The following URGCP variants were observed in gnomAD, a reference collection of about 807,000 sequenced individuals.
URGCP encodes the protein upregulator of cell proliferation.
A neutral mutation model predicts 24.6 loss-of-function variants in URGCP; 13 were observed. That is an observed-to-expected ratio of 0.53 (90% confidence interval 0.34 to 0.84). URGCP has a LOEUF of 0.84. Among genes scored for constraint, URGCP ranks in the 40% least tolerant of loss-of-function variants. The pLI is 0.01. For missense variants in URGCP, 899 were observed against 1,194.3 expected, an observed-to-expected ratio of 0.75 and a Z score of 3.64; for synonymous variants, 444 against 487.2, an observed-to-expected ratio of 0.91 and a Z score of 1.17.
chr7:43,877,994 CTGTAG>C lies in URGCP; in HGVS notation c.1464_1468del (p.Tyr489LysfsTer32). ...CCCCTGCAGCCTCAGCTCGTCCCTTCTGTAGGCATCCGAGTCTTTGATTTTCCTGG... is the reference window on the plus strand; with the variant it reads ...CCCCTGCAGCCTCAGCTCGTCCCTTCGCATCCGAGTCTTTGATTTTCCTGG... On this transcript the variant is annotated frameshift_variant, in exon 6 of 6. Transcript: ENST00000453200. LOFTEE classifies it low-confidence loss of function (END_TRUNC). 1 of 1,614,248 alleles carries C rather than the reference CTGTAG, an allele frequency of 6.2e-7. No individual in the cohort carries two copies. Among genetic ancestry groups the C allele is most frequent in the Non-Finnish European group, 8.5e-7 (1 of 1,180,044 alleles).
chr7:43,881,335 C>T, intron 5 of URGCP: 1 of 667,770 alleles, frequency 1.5e-6, no homozygotes, highest in South Asian at 1.6e-5. Context: ...ACATTAGAAT[C>T]AATCACTTCA....
chr7:43,893,085 T>C (rs1473000112), intron 1 of URGCP, among the ~76,000 whole-genome samples: 1 of 152,162 alleles, frequency 6.6e-6, no homozygotes, highest in Non-Finnish European at 1.5e-5. Flanking sequence ...CCCAGCACTT[T>C]GGGAGGCCAA....
intron 1 of URGCP, among the ~76,000 whole-genome samples, chr7:43,895,986 G>A (rs1562581633): frequency 6.6e-6 from 1 of 152,160 alleles, no homozygotes; most frequent in Admixed American, 6.5e-5. Context: ...TACATGTATA[G>A]GAATACTATT....
At chr7:43,926,493 G>A (rs1268357236), upstream of URGCP, 10 of 1,483,818 alleles carry the variant, frequency 6.7e-6, no homozygotes, top group Non-Finnish European at 9.0e-6. Context: ...GCCTCAGGCA[G>A]CCCCGGCCGG....
At chr7:43,919,783 G>T (rs1348582793) in intron 1 of URGCP, 1 of 1,338,878 alleles carries the variant, frequency 7.5e-7, no homozygotes, top group East Asian at 2.3e-5. Flanking sequence ...GCCCTGTCGA[G>T]GAAGTCTCCT....
chr7:43,883,345 T>TATAA (rs1408161271), intron 3 of URGCP, among the ~76,000 whole-genome samples: 1 of 97,804 alleles, frequency 1.0e-5, no homozygotes, highest in East Asian at 2.2e-4. Context: ...TACATATATA[T>TATAA]ATATATATAT....
chr7:43,880,681 TGC>T (rs1379487413), intron 5 of URGCP, among the ~76,000 whole-genome samples: 2 of 152,244 alleles, frequency 1.3e-5, no homozygotes, highest in Non-Finnish European at 2.9e-5. Flanking sequence ...TCAAATGATC[TGC>T]CTGCCTCAGC....
intron 3 of URGCP, among the ~76,000 whole-genome samples, chr7:43,883,331 T>C (rs1030128497): frequency 7.7e-6 from 1 of 130,228 alleles, no homozygotes; most frequent in Non-Finnish European, 1.6e-5. Flanking sequence ...AATATATATA[T>C]ATATACATAT....
chr7:43,883,362 A>T (rs7810063), intron 3 of URGCP, among the ~76,000 whole-genome samples: 22,489 of 88,492 alleles, frequency 0.25, 3,643 homozygotes, highest in African/African-American at 0.38. Flanking sequence ...ATATATATAT[A>T]TTTTTTTTTT....
chr7:43,878,838 A>C lies in URGCP; in HGVS notation c.625T>G (p.Cys209Gly), dbSNP rs769351989. ...QQEIALKMAL[C>G]QFALPLVLPD... is the part of the protein sequence containing the mutation. ...AACACGAGTGGGAGTGCAAACTGGC[A>C]GAGGGCCATTTTCAACGCTATTTCT... is the stretch of plus-strand genomic sequence containing the variant. The change falls in exon 6 of 6, where the codon TGC becomes GGC. Residue 209 changes from cysteine to glycine, a missense_variant. Physicochemically the swap from Cys to Gly is radical, Grantham distance 159. Coordinates refer to ENST00000453200, the MANE Select transcript of URGCP (RefSeq NM_001077663.3). This position sits in a 1 kb window ranked among gnomAD's most constrained non-coding sequence, Gnocchi z 5.6. The C allele has an allele frequency of 6.2e-7, 1 of 1,614,172 alleles. No homozygotes were observed. The highest frequency in any genetic ancestry group is 8.5e-7 in the Non-Finnish European group (1 of 1,180,012).
chr7:43,904,847 C>A (rs942824829), intron 1 of URGCP, among the ~76,000 whole-genome samples: 3 of 152,170 alleles, frequency 2.0e-5, no homozygotes, highest in Admixed American at 1.3e-4. Context: ...CAAACCTGTA[C>A]AGCATGTTAC....
chr7:43,923,319 C>T (rs1428773379), intron 1 of URGCP, among the ~76,000 whole-genome samples: 1 of 145,468 alleles, frequency 6.9e-6, no homozygotes, highest in African/African-American at 2.6e-5. Flanking sequence ...CAGGGTCTTG[C>T]TCTGTCTCCT....
chr7:43,878,937 T>C lies in URGCP; in HGVS notation c.526A>G (p.Thr176Ala), dbSNP rs770023804. The change falls in exon 6 of 6, where the codon ACC (threonine) becomes GCC (alanine). Residue 176 changes from threonine to alanine, a missense_variant. Coordinates refer to ENST00000453200, the MANE Select transcript of URGCP (RefSeq NM_001077663.3). This position sits in a 1 kb window ranked among gnomAD's most constrained non-coding sequence, Gnocchi z 5.6. ...ADIYSFSELP[T>A]PDTPVNPLDL... ...AAGGGGTTCACTGGCGTATCAGGGG[T>C]GGGCAGCTCAGAAAAGGAATAAATG... The C allele has an allele frequency of 1.6e-5, 26 of 1,613,914 alleles. No homozygotes were observed. The highest frequency in any genetic ancestry group is 1.0e-4 in the Admixed American group (6 of 59,968).
chr7:43,926,475 A>G, upstream of URGCP: 5 of 1,417,876 alleles, frequency 3.5e-6, no homozygotes, highest in South Asian at 1.4e-5. Flanking sequence ...CTGAGCCGGC[A>G]GCGGGCCGCC....
At chr7:43,881,347 G>T in intron 5 of URGCP, 1 of 646,618 alleles carries the variant, frequency 1.5e-6, no homozygotes, top group Admixed American at 2.8e-5. Context: ...ATCACTTCAG[G>T]AACTTGTTAA....
chr7:43,907,355 G>A (rs553715600), upstream of URGCP, among the ~76,000 whole-genome samples: 191 of 152,198 alleles, frequency 1.3e-3, no homozygotes, highest in Non-Finnish European at 2.0e-3. Context: ...ATCACTGGCC[G>A]AACGCAGTGG....
At chr7:43,896,666 C>T (rs1011706577) in intron 1 of URGCP, among the ~76,000 whole-genome samples, 1 of 152,102 alleles carries the variant, frequency 6.6e-6, no homozygotes, top group Non-Finnish European at 1.5e-5. Context: ...CAACAGCTTA[C>T]ATTACCATTA....
At position 43,879,124 on chromosome 7, in the gene URGCP, G is replaced by T. The variant is rs1417453330; in HGVS notation, c.339C>A (p.Asp113Glu). The T allele has an allele frequency of 6.2e-7, 1 of 1,614,210 alleles. No homozygotes were observed. The highest frequency in any genetic ancestry group is 1.7e-5 in the Admixed American group (1 of 60,032). ...ACTTCCTGAGGAAATTCCAGGGCAAGTCTTTGGGAACCTGAGGGGCCCAGT... is the reference window on the plus strand; with the variant it reads ...ACTTCCTGAGGAAATTCCAGGGCAATTCTTTGGGAACCTGAGGGGCCCAGT... The part of the protein sequence containing the change: ...MKNWAPQVPK[D>E]LPWNFLRKLQ... Residue 113 changes from aspartate to glutamate, a missense_variant, in exon 6 of 6, where the codon GAC (aspartate) becomes GAA (glutamate). Physicochemically the swap from Asp to Glu is conservative, Grantham distance 45 (BLOSUM62 2). Transcript: ENST00000453200.
At chr7:43,906,692 G>A, upstream of URGCP, 1 of 1,055,560 alleles carries the variant, frequency 9.5e-7, no homozygotes. Flanking sequence ...CGCTCCAGGG[G>A]TGGAGGTGGG....
Sources: allele counts gnomAD v4.1 joint callset (sites outside exome capture counted in the v4.1 genomes callset), GRCh38; gene constraint gnomAD v4.1.1; non-coding constraint Gnocchi (gnomAD v3.1); transcripts MANE v1.5; gene names NCBI Gene and HGNC (gene_info 2026-07-23, HGNC 2026-07-21).